Variants in PROX1 observed in about 807,000 individuals in gnomAD.
PROX1 encodes the protein prospero homeobox 1.
PROX1 carries 7 observed loss-of-function variants against 58.8 expected under a neutral mutation model. The observed-to-expected ratio is 0.12, with a 90% CI of 0.07 to 0.22. The LOEUF is 0.22. PROX1 is among the 10% of genes least tolerant of loss of function. PROX1 has a pLI of 1.00. For missense variants in PROX1, 675 were observed against 927.8 expected (o/e 0.73, Z 3.54); for synonymous variants, 350 against 358.3 (o/e 0.98, Z 0.26).
intron 2 of PROX1, 80 bp from the exon 3 acceptor site, chr1:214,005,083 CTA>C: frequency 9.1e-7 from 1 of 1,102,854 alleles, no homozygotes; most frequent in South Asian, 1.3e-5. Flanking sequence ...CCCCCAGACT[CTA>C]TGGAGGTGGG....
chr1:214,017,005 CA>C (rs1225061074), intron 4 of PROX1, among the ~76,000 whole-genome samples: 1 of 152,164 alleles, frequency 6.6e-6, no homozygotes, highest in East Asian at 1.9e-4. Flanking sequence ...TGACCTTTCT[CA>C]ACATTCTTAA....
chr1:214,006,455 G>T (rs2102719023), intron 3 of PROX1, among the ~76,000 whole-genome samples: 1 of 152,278 alleles, frequency 6.6e-6, no homozygotes, highest in East Asian at 1.9e-4. Flanking sequence ...TAAGTGGAAG[G>T]CTTGTTTTCT....
chr1:214,027,735 G>A (rs1196383811), intron 4 of PROX1, among the ~76,000 whole-genome samples: 1 of 152,084 alleles, frequency 6.6e-6, no homozygotes, highest in Non-Finnish European at 1.5e-5. Context: ...TGACAAAGTG[G>A]CACTCTGGCC....
chr1:214,035,678 G>C lies in PROX1; in HGVS notation c.2058G>C (p.Gln686His). The stretch of plus-strand genomic sequence containing the variant: ...CAGAGAGATTCCTGGAAGTTGCTCA[G>C]ATCACATTACGGGAGTTTTTCAATG... ...EVPERFLEVA[Q>H]ITLREFFNAI... The change falls in exon 5 of 5, where the codon CAG becomes CAC. Residue 686 changes from glutamine to histidine, a missense_variant. Physicochemically the swap from Gln to His is conservative, Grantham distance 24. Around this residue, in one of 8 missense-constraint regions of PROX1, gnomAD observed 50 missense variants for 79.3 expected, o/e 0.63. Transcript: ENST00000366958. The C allele has an allele frequency of 1.2e-6, 2 of 1,613,716 alleles. No homozygotes were observed. The highest frequency in any genetic ancestry group is 1.7e-6 in the Non-Finnish European group (2 of 1,179,770).
At chr1:214,010,038 C>T (rs938411309) in intron 3 of PROX1, among the ~76,000 whole-genome samples, 1 of 152,104 alleles carries the variant, frequency 6.6e-6, no homozygotes, top group African/African-American at 2.4e-5. Context: ...CTATTGAAAT[C>T]GGCAACCAGA....
chr1:214,026,089 G>C lies in PROX1; in HGVS notation c.2029-9560G>C, dbSNP rs563417842. ...TTAACAGTATCTGTGTAGTATCTCA[G>C]GGGGAGAGAATGAGGTATTAGGTTT... On this transcript the variant is annotated intron_variant, in intron 4 of 4. Coordinates refer to ENST00000366958, the MANE Select transcript of PROX1 (RefSeq NM_001270616.2). Among the ~76,000 whole-genome samples, 4 of 151,850 alleles carry C rather than the reference G, an allele frequency of 2.6e-5. No homozygotes were observed. The East Asian group carries it at 7.8e-4, about 30-fold the overall frequency.
intron 4 of PROX1, chr1:214,030,657 T>G (rs976098147): frequency 7.9e-5 from 12 of 152,314 alleles, no homozygotes; most frequent in African/African-American, 2.9e-4. Flanking sequence ...AAAAATGAGC[T>G]TCTCTGTCTC....
rs1664840967 is a variant in PROX1, at chr1:214,036,687, ATTT to A, written c.*854_*856del. On this transcript the variant is annotated 3_prime_UTR_variant, in exon 5 of 5. Transcript: ENST00000366958. ...GATACTAAAAGGCACTAAGTTTCCA[ATTT>A]ACGCTGCTCAACTTTGTTTATATGC... 1 of 152,222 alleles carries A rather than the reference ATTT, an allele frequency of 6.6e-6. No homozygotes were observed. The highest frequency in any genetic ancestry group is 6.5e-5 in the Admixed American group (1 of 15,286). 9.4% of individuals were successfully genotyped at this position (152,222 alleles called of 1,614,324 possible). A position where few individuals can be genotyped will look rare whatever the true frequency, so the allele number is the denominator to read the frequency against.
intron 2 of PROX1, among the ~76,000 whole-genome samples, chr1:214,003,976 T>TGTGTGTG (rs11399035): frequency 0.045 from 6,885 of 152,060 alleles, 286 homozygotes; most frequent in Admixed American, 0.14. Context: ...GTGAGTGTGT[T>TGTGTGTG]TGTGTGTGTG....
rs375438400 is a variant in PROX1 at position 214,005,983 on chromosome 1, T to C, written c.1833+711T>C. Reference sequence around the variant, plus strand: ...GTGTGTATGTGTCTGTGTCTGTGTGTGGGTTTTAAGTAATTGTTTGCATCA... The same window carrying C: ...GTGTGTATGTGTCTGTGTCTGTGTGCGGGTTTTAAGTAATTGTTTGCATCA... On this transcript the variant is annotated intron_variant, in intron 3 of 4. Transcript: ENST00000366958. Among the ~76,000 whole-genome samples the C allele has an allele frequency of 3.3e-5, 5 of 152,072 alleles. No individual in the cohort carries two copies. In the East Asian group the frequency reaches 7.7e-4, roughly 23 times the overall value.
In PROX1 at chr1:214,022,939, C is replaced by G. The variant is rs572746668; in HGVS notation, c.2028+11224C>G. Among the ~76,000 whole-genome samples, 21 of 152,212 alleles carry G rather than the reference C, an allele frequency of 1.4e-4. No homozygotes were observed. In the East Asian group the frequency reaches 3.5e-3, roughly 25 times the overall value. Reference sequence around the variant, plus strand: ...AATCCAGATGGCTTCCATGTGAGGCCCCTTCTACCCTGGTGACTCTGCTGC... The same window carrying G: ...AATCCAGATGGCTTCCATGTGAGGCGCCTTCTACCCTGGTGACTCTGCTGC... On this transcript the variant is annotated intron_variant, in intron 4 of 4. Coordinates refer to ENST00000366958, the MANE Select transcript of PROX1 (RefSeq NM_001270616.2).
intron 4 of PROX1, among the ~76,000 whole-genome samples, chr1:214,016,464 C>A (rs1664099474): frequency 6.6e-6 from 1 of 152,086 alleles, no homozygotes; most frequent in Admixed American, 6.5e-5. Context: ...TGAGTGAGAG[C>A]CTTTCACTGC....
At chr1:214,029,171 C>T (rs763691617) in intron 4 of PROX1, 1 of 152,164 alleles carries the variant, frequency 6.6e-6, no homozygotes, top group Non-Finnish European at 1.5e-5. Flanking sequence ...AATGAATGCT[C>T]GGGAAAGTAC....
At chr1:214,035,326 A>G (rs1664793799) in intron 4 of PROX1, among the ~76,000 whole-genome samples, 1 of 152,230 alleles carries the variant, frequency 6.6e-6, no homozygotes, top group South Asian at 2.1e-4. Flanking sequence ...TCTTCTGGAT[A>G]GCACTTATTT....
intron 4 of PROX1, among the ~76,000 whole-genome samples, chr1:214,020,068 C>T (rs1426108907): frequency 6.6e-6 from 1 of 152,108 alleles, no homozygotes; most frequent in Non-Finnish European, 1.5e-5. Flanking sequence ...TTGAATAGCT[C>T]GCCACCATGA....
At chr1:214,012,257 CT>C (rs1663935977) in intron 4 of PROX1, among the ~76,000 whole-genome samples, 1 of 152,088 alleles carries the variant, frequency 6.6e-6, no homozygotes, top group Admixed American at 6.5e-5. Context: ...CCATTGACAT[CT>C]TTTTTTGGGA....
At position 213,997,535 on chromosome 1, in the gene PROX1, A is replaced by C; in HGVS notation, c.1000A>C (p.Arg334=). 1 of 1,614,062 alleles carries C rather than the reference A, an allele frequency of 6.2e-7. No homozygotes were observed. Among genetic ancestry groups the C allele is most frequent in the Non-Finnish European group, 8.5e-7 (1 of 1,179,982 alleles). ...KPKREGNNKE[R]DHGPNSLQPE... is the part of the protein sequence containing the mutation. ...GAAGCGAGAAGGCAACAACAAAGAA[A>C]GAGACCATGGGCCAAACTCCTTACA... Residue 334 remains arginine (R), a synonymous_variant, in exon 2 of 5, where the codon AGA becomes CGA. Coordinates refer to ENST00000366958, the MANE Select transcript of PROX1 (RefSeq NM_001270616.2). The surrounding 1 kb of genome is among the most constrained non-coding windows in gnomAD (Gnocchi z 7.1).
Position 213,996,555 on chromosome 1 carries a change from CA to C in PROX1, c.21del (p.Ala8ProfsTer3). ...CCAGTGATGCCTGACCATGACAGCA[CA>C]GCCCTCTTAAGCCGGCAAACCAAGA... MPDHDS[T>X]ALLSRQTKRR... On this transcript the variant is annotated frameshift_variant, in exon 2 of 5. Coordinates refer to ENST00000366958, the MANE Select transcript of PROX1 (RefSeq NM_001270616.2). LOFTEE classifies it high-confidence loss of function. 3.7e-6 allele frequency: 6 copies of C among 1,613,774 alleles called. No individual in the cohort carries two copies. Among genetic ancestry groups the C allele is most frequent in the Non-Finnish European group, 5.1e-6 (6 of 1,179,800 alleles).
At chr1:214,032,922 G>A (rs954465389) in intron 4 of PROX1, among the ~76,000 whole-genome samples, 4 of 152,240 alleles carry the variant, frequency 2.6e-5, no homozygotes, top group East Asian at 1.9e-4. Flanking sequence ...CAAGCATGAC[G>A]AACTATAAAA....
Sources: gnomAD v4.1 joint callset for allele counts (sites outside exome capture counted in the v4.1 genomes callset) on GRCh38, gnomAD v4.1.1 for gene constraint, gnomAD v4.1.1 regional missense constraint, Gnocchi (gnomAD v3.1) non-coding constraint, MANE v1.5 for transcripts, NCBI Gene and HGNC (gene_info 2026-07-23, HGNC 2026-07-21) for gene names.